The following CROCC variants were observed in gnomAD, a reference collection of about 807,000 sequenced individuals.
CROCC encodes ciliary rootlet coiled-coil, rootletin.
Under a neutral mutation model 245.2 loss-of-function variants are expected in CROCC, and 180 were observed. That is an observed-to-expected ratio of 0.73 (90% confidence interval 0.65 to 0.83). CROCC has a LOEUF of 0.83. Among genes scored for constraint, CROCC ranks in the 40% least tolerant of loss-of-function variants. The pLI is 0.00. For synonymous variants in CROCC, 1,205 were observed against 1,241.6 expected (o/e 0.97, Z 0.62); for missense variants, 2,688 against 2,779.4 (o/e 0.97, Z 0.74).
chr1:16,916,857 C>T (rs1432929030), intron 1 of CROCC, among the ~76,000 whole-genome samples: 1 of 152,296 alleles, frequency 6.6e-6, no homozygotes, highest in Non-Finnish European at 1.5e-5. Flanking sequence ...GTGGCTCATG[C>T]CTATAATCCC....
chr1:16,939,021 C>A lies in CROCC; in HGVS notation c.1487C>A (p.Pro496Gln), dbSNP rs752606927. The A allele has an allele frequency of 1.2e-6, 2 of 1,600,054 alleles. No individual in the cohort carries two copies. The highest frequency in any genetic ancestry group is 1.1e-5 in the South Asian group (1 of 89,592). The stretch of plus-strand genomic sequence containing the variant: ...TCGGGCCAGCGGACCCCGTCCCCAC[C>A]GCGGCGCTCCTCGCCCGGCCGAGGC... ...GLSGQRTPSP[P>Q]RRSSPGRGRS... is the part of the protein sequence containing the mutation. Residue 496 changes from proline to glutamine, a missense_variant, in exon 12 of 37, where the codon CCG becomes CAG. Physicochemically the swap from Pro to Gln is moderately conservative, Grantham distance 76 (BLOSUM62 -1). Transcript: ENST00000375541.
chr1:16,922,106 G>C (rs1442764232), intron 1 of CROCC, 28 bp downstream of exon 1: 57 of 1,524,164 alleles, frequency 3.7e-5, no homozygotes, highest in Non-Finnish European at 4.4e-5. Context: ...TGCCCACCCT[G>C]TCTGGGGCGG....
upstream of CROCC, among the ~76,000 whole-genome samples, chr1:16,918,587 T>C (rs1322882059): frequency 1.3e-5 from 2 of 152,236 alleles, no homozygotes; most frequent in Non-Finnish European, 2.9e-5. Flanking sequence ...CTGGACATGC[T>C]GGTCCAGGGG....
Position 16,939,033 on chromosome 1 carries a change from C to G in CROCC, c.1499C>G (p.Ser500Trp), listed in dbSNP as rs780616542. Residue 500 changes from serine (S) to tryptophan (W), a missense_variant, in exon 12 of 37, where the codon TCG becomes TGG. Physicochemically the swap from Ser to Trp is radical, Grantham distance 177. Coordinates refer to ENST00000375541, the MANE Select transcript of CROCC (RefSeq NM_014675.5). ...QRTPSPPRRSSPGRGRSPRRG... is the reference protein window; with the variant it reads ...QRTPSPPRRSWPGRGRSPRRG... The stretch of plus-strand genomic sequence containing the variant: ...ACCCCGTCCCCACCGCGGCGCTCCT[C>G]GCCCGGCCGAGGCCGTTCACCCCGC... 2 of 1,595,212 alleles carry G rather than the reference C, an allele frequency of 1.3e-6. No homozygotes were observed. Among genetic ancestry groups the G allele is most frequent in the Non-Finnish European group, 1.7e-6 (2 of 1,173,904 alleles).
intron 27 of CROCC, among the ~76,000 whole-genome samples, chr1:16,965,366 G>T (rs7542565): frequency 6.6e-6 from 1 of 152,110 alleles, no homozygotes; most frequent in Non-Finnish European, 1.5e-5. Flanking sequence ...ATCAGACCCC[G>T]CTGAGGGTGG....
chr1:16,965,228 G>A (rs1033302523), intron 27 of CROCC, among the ~76,000 whole-genome samples: 1 of 152,236 alleles, frequency 6.6e-6, no homozygotes, highest in Admixed American at 6.5e-5. Flanking sequence ...AGCACAGTGG[G>A]CACTCAGTAT....
chr1:16,938,674 C>T (rs2075846669), intron 11 of CROCC, among the ~76,000 whole-genome samples, 191 bp downstream of exon 11: 1 of 152,404 alleles, frequency 6.6e-6, no homozygotes, highest in African/African-American at 2.4e-5. Flanking sequence ...AGGGGAGGCA[C>T]GACCCTTTGG....
chr1:16,955,518 T>A lies in CROCC; in HGVS notation c.3672T>A (p.Ser1224=). 6.4e-7 allele frequency: 1 copy of A among 1,567,886 alleles called. No homozygotes were observed. Among genetic ancestry groups the A allele is most frequent in the South Asian group, 1.2e-5 (1 of 84,730 alleles). Residue 1224 remains serine (S), a synonymous_variant, in exon 24 of 37, where the codon TCT becomes TCA. Coordinates refer to ENST00000375541, the MANE Select transcript of CROCC (RefSeq NM_014675.5). ...ALRRSNEELR[S]AVKKAESERI... The stretch of plus-strand genomic sequence containing the variant: ...GGCGTTCCAATGAGGAGCTTCGGTC[T>A]GCTGTGAAGAAGGCAGAGAGCGAGC...
Position 16,966,268 on chromosome 1 carries a change from T to C in CROCC, c.4697-140T>C. 1 of 1,432,372 alleles carries C rather than the reference T, an allele frequency of 7.0e-7. No homozygotes were observed. Among genetic ancestry groups the C allele is most frequent in the Non-Finnish European group, 9.2e-7 (1 of 1,081,134 alleles). The allele number at this position is 1,432,372 out of a possible 1,614,324, so 88.7% of individuals were successfully genotyped here. The stretch of plus-strand genomic sequence containing the variant: ...AGGACCCTCCTTGGACAGCCTCACC[T>C]GTGTGCAGGCCCGCATACTACGAAG... On this transcript the variant is annotated intron_variant, in intron 29 of 36. Transcript: ENST00000375541. The surrounding 1 kb of genome is among the most constrained non-coding windows in gnomAD (Gnocchi z 4.8).
chr1:16,969,682 G>T, intron 32 of CROCC, 103 bp from the exon 33 acceptor site: 1 of 1,476,830 alleles, frequency 6.8e-7, no homozygotes, highest in South Asian at 1.3e-5. Context: ...CAGGTGAGAT[G>T]ACTGCCTGTT....
intron 1 of CROCC, among the ~76,000 whole-genome samples, chr1:16,915,202 G>A (rs1400554648): frequency 6.6e-6 from 1 of 152,276 alleles, no homozygotes; most frequent in Non-Finnish European, 1.5e-5. Flanking sequence ...GTGTCCTTCC[G>A]TGATCCCCGT....
chr1:16,944,297 G>A lies in CROCC; in HGVS notation c.1991+15G>A, dbSNP rs371284577. ...CTTGAGCGCAGGTGAGCAGCATCTC[G>A]CCACCCTGCCAGGACCCTTCAGATG... On this transcript the variant is annotated intron_variant, in intron 14 of 36. Transcript: ENST00000375541. The A allele has an allele frequency of 1.5e-3, 2,272 of 1,519,846 alleles. 11 individuals are homozygous for A. The African/African-American group carries it at 0.023, about 16-fold the overall frequency. The allele number at this position is 1,519,846 out of a possible 1,614,324, so 94.1% of individuals were successfully genotyped here.
chr1:16,919,638 T>G (rs2075362386), upstream of CROCC, among the ~76,000 whole-genome samples: 2 of 152,274 alleles, frequency 1.3e-5, no homozygotes, highest in Admixed American at 1.3e-4. Flanking sequence ...GGCTTACAAC[T>G]CTAAGGGCAG....
At position 16,958,695 on chromosome 1, in the gene CROCC, G is replaced by A; in HGVS notation, c.3977G>A (p.Gly1326Asp). ...AAGGAGAGCAGGCGGGAGACCCTGGGCCTCCGGCAGAGGCTGCTGAAGGGC... is the reference window on the plus strand; with the variant it reads ...AAGGAGAGCAGGCGGGAGACCCTGGACCTCCGGCAGAGGCTGCTGAAGGGC... ...AEKESRRETL[G>D]LRQRLLKGEA... Residue 1326 changes from glycine to aspartate, a missense_variant, in exon 26 of 37, where the codon GGC becomes GAC. Physicochemically the swap from Gly to Asp is moderately conservative, Grantham distance 94. Transcript: ENST00000375541. 1 of 1,559,510 alleles carries A rather than the reference G, an allele frequency of 6.4e-7. No individual in the cohort carries two copies. The highest frequency in any genetic ancestry group is 1.2e-5 in the South Asian group (1 of 84,688).
rs537495119 is a variant in CROCC at position 16,927,847 on chromosome 1, C to T, written c.352-1999C>T. On this transcript the variant is annotated intron_variant, in intron 3 of 36. Coordinates refer to ENST00000375541, the MANE Select transcript of CROCC (RefSeq NM_014675.5). ...AAACCCCCTACTTCCACCTCCCCTG[C>T]ACAGCCTTGGACTGTGTTCCTCCAG... is the stretch of plus-strand genomic sequence containing the variant. 4.6e-5 allele frequency among the ~76,000 whole-genome samples: 7 copies of T among 152,406 alleles called. No individual in the cohort carries two copies. The South Asian group carries it at 1.4e-3, about 32-fold the overall frequency.
At chr1:16,943,620 T>C (rs1449705740) in intron 13 of CROCC, among the ~76,000 whole-genome samples, 1 of 152,230 alleles carries the variant, frequency 6.6e-6, no homozygotes, top group Non-Finnish European at 1.5e-5. Context: ...TCATGGCAAG[T>C]CTTTGGGGTC....
intron 7 of CROCC, 23 bp downstream of exon 7, chr1:16,930,617 G>C (rs753676041): frequency 6.3e-7 from 1 of 1,593,578 alleles, no homozygotes; most frequent in Non-Finnish European, 8.5e-7. Flanking sequence ...GTGCAGGGAG[G>C]CCAGCCTGAC....
rs1268764101 is a variant in CROCC, at chr1:16,954,999, T to G, written c.3465+122T>G. 1.6e-6 allele frequency: 2 copies of G among 1,248,906 alleles called. No homozygotes were observed. Among genetic ancestry groups the G allele is most frequent in the Non-Finnish European group, 2.2e-6 (2 of 928,324 alleles). The allele number at this position is 1,248,906 out of a possible 1,614,324, so 77.4% of individuals were successfully genotyped here. On this transcript the variant is annotated intron_variant, in intron 23 of 36. Coordinates refer to ENST00000375541, the MANE Select transcript of CROCC (RefSeq NM_014675.5). This position sits in a 1 kb window ranked among gnomAD's most constrained non-coding sequence, Gnocchi z 4.4. ...CTCCCTGCATTTGAGGACCAATGAA[T>G]AGCAACTTAGAAAGGAGGCAGCAAG...
Position 16,960,988 on chromosome 1 carries a change from C to T in CROCC, c.4263C>T (p.Arg1421=). ...AAGGCCTGGAGGCCGAGCTGGCCCG[C>T]GTGGAGGTGCAGCGGCGCGCGGCGG... ...RAQGLEAELA[R]VEVQRRAAEA... The change falls in exon 27 of 37, where the codon CGC becomes CGT. Residue 1421 remains arginine, a synonymous_variant. Coordinates refer to ENST00000375541, the MANE Select transcript of CROCC (RefSeq NM_014675.5). 4 of 1,334,686 alleles carry T rather than the reference C, an allele frequency of 3.0e-6. No individual in the cohort carries two copies. Among genetic ancestry groups the T allele is most frequent in the Non-Finnish European group, 3.8e-6 (4 of 1,050,178 alleles). The allele number at this position is 1,334,686 out of a possible 1,614,324, so 82.7% of individuals were successfully genotyped here. A position where few individuals can be genotyped will look rare whatever the true frequency, so the allele number is the denominator to read the frequency against.
Sources: allele counts gnomAD v4.1 joint callset (sites outside exome capture counted in the v4.1 genomes callset), GRCh38; gene constraint gnomAD v4.1.1; non-coding constraint Gnocchi (gnomAD v3.1); transcripts MANE v1.5; gene names NCBI Gene and HGNC (gene_info 2026-07-23, HGNC 2026-07-21).